The following SVIL variants were observed in gnomAD, a reference collection of about 807,000 sequenced individuals.
The protein encoded by SVIL is supervillin, also known as archvillin.
In SVIL, 101 loss-of-function variants were observed where a neutral mutation model predicts 240.4. The observed-to-expected ratio is 0.42, with a 90% confidence interval of 0.36 to 0.50. SVIL has a LOEUF of 0.50. SVIL is among the 20% of genes least tolerant of loss of function. The pLI is 0.01. For synonymous variants in SVIL, 999 were observed against 1,100.0 expected, an observed-to-expected ratio of 0.91 and a Z score of 1.82; for missense variants, 2,512 against 2,818.7, an observed-to-expected ratio of 0.89 and a Z score of 2.46.
intron 1 of SVIL, chr10:29,575,220 T>C (rs1441876734): frequency 6.5e-6 from 1 of 154,350 alleles, no homozygotes; most frequent in South Asian, 2.0e-4. Context: ...TGGTGTCCAG[T>C]CCACTTTCCC....
intron 17 of SVIL, among the ~76,000 whole-genome samples, chr10:29,510,085 GGTTTTACCAC>G (rs1008393265): frequency 7.3e-4 from 111 of 152,136 alleles, no homozygotes; most frequent in Middle Eastern, 3.4e-3. Context: ...GTAAACATGG[GGTTTTACCAC>G]GTTGCCCAAG....
In SVIL at chr10:29,647,696, G is replaced by A. The variant is rs150442828; in HGVS notation, c.-201+10273C>T. On this transcript the variant is annotated intron_variant, in intron 3 of 35. Coordinates refer to the SVIL transcript ENST00000375400. Reference sequence around the variant, plus strand: ...CAGGTGAAGAACAGAGAAGTACAAAGGTGTATTTCGAGTCTTCCACAGCTT... The same window carrying A: ...CAGGTGAAGAACAGAGAAGTACAAAAGTGTATTTCGAGTCTTCCACAGCTT... 3.0e-3 allele frequency among the ~76,000 whole-genome samples: 461 copies of A among 151,914 alleles called. 2 individuals are homozygous for A. Among genetic ancestry groups the A allele is most frequent in the South Asian group, 0.012 (56 of 4,804 alleles).
At chr10:29,708,016 G>A (rs1376026682) in intron 1 of SVIL, among the ~76,000 whole-genome samples, 2 of 152,076 alleles carry the variant, frequency 1.3e-5, no homozygotes, top group African/African-American at 4.8e-5. Flanking sequence ...CCAGCACTTT[G>A]GGAGGCCGAG....
rs776633603 is a variant in SVIL at position 29,523,518 on chromosome 10, C to G, written c.3096G>C (p.Arg1032Ser). 1 of 1,614,056 alleles carries G rather than the reference C, an allele frequency of 6.2e-7. No individual in the cohort carries two copies. Among genetic ancestry groups the G allele is most frequent in the South Asian group, 1.1e-5 (1 of 91,042 alleles). The part of the protein sequence containing the change: ...KMNAQGNLDL[R>S]DRLPFEEKVE... Reference sequence around the variant, plus strand: ...CCTTCTCTTCAAAGGGCAGCCTGTCCCTCAAGTCCAAGTTTCCTTGTGCAT... The same window carrying G: ...CCTTCTCTTCAAAGGGCAGCCTGTCGCTCAAGTCCAAGTTTCCTTGTGCAT... The change falls in exon 15 of 38, where the codon AGG (arginine) becomes AGC (serine). Residue 1032 changes from arginine (R) to serine (S), a missense_variant. This residue lies in a region of SVIL where 1,443 missense variants were observed against 1,486.6 expected (regional missense o/e 0.97). Transcript: ENST00000355867.
In SVIL at chr10:29,484,799, G is replaced by A. The variant is rs753121062; in HGVS notation, c.4812C>T (p.Tyr1604=). 36 of 1,611,548 alleles carry A rather than the reference G, an allele frequency of 2.2e-5. No homozygotes were observed. The highest frequency in any genetic ancestry group is 1.8e-4 in the East Asian group (8 of 44,762). ...ATGTGACTTCTTTCCCATGCCATACGTAAACTTCACTACCAAAATCAAACA... is the reference window on the plus strand; with the variant it reads ...ATGTGACTTCTTTCCCATGCCATACATAAACTTCACTACCAAAATCAAACA... ...VLVFDFGSEV[Y]VWHGKEVTLA... The change falls in exon 27 of 38, where the codon TAC becomes TAT. Residue 1604 remains tyrosine (Y), a synonymous_variant. Transcript: ENST00000355867. This position sits in a 1 kb window ranked among gnomAD's most constrained non-coding sequence, Gnocchi z 4.7.
chr10:29,507,154 G>T (rs1016291491), intron 17 of SVIL, among the ~76,000 whole-genome samples: 2 of 152,024 alleles, frequency 1.3e-5, no homozygotes, highest in South Asian at 4.1e-4. Context: ...GCTCCTCCTG[G>T]TTCTTTAATA....
chr10:29,481,552 C>G, intron 28 of SVIL, 32 bp downstream of exon 28: 1 of 1,611,898 alleles, frequency 6.2e-7, no homozygotes, highest in African/African-American at 1.3e-5. Flanking sequence ...CCGAACCAAG[C>G]CCCGAGTTTT....
chr10:29,684,604 A>AAGTCTCAT (rs1960916601), intron 2 of SVIL, among the ~76,000 whole-genome samples: 1 of 152,164 alleles, frequency 6.6e-6, no homozygotes, highest in Non-Finnish European at 1.5e-5. Flanking sequence ...TATGTAGATG[A>AAGTCTCAT]AGTCTCATAG....
chr10:29,556,558 G>A (rs765142311), intron 3 of SVIL, among the ~76,000 whole-genome samples: 6 of 152,018 alleles, frequency 3.9e-5, no homozygotes, highest in Non-Finnish European at 7.4e-5. Flanking sequence ...CAGTTGAATT[G>A]GCTTTTGTTG....
At chr10:29,672,825 C>T (rs888053386) in intron 2 of SVIL, among the ~76,000 whole-genome samples, 2 of 151,956 alleles carry the variant, frequency 1.3e-5, no homozygotes, top group African/African-American at 4.8e-5. Context: ...GTGGCTTCCT[C>T]TGGAAAAAAT....
intron 1 of SVIL, among the ~76,000 whole-genome samples, chr10:29,588,643 A>T (rs1459341908): frequency 2.6e-5 from 4 of 152,212 alleles, no homozygotes; most frequent in African/African-American, 9.6e-5. Context: ...AGGAAAATAG[A>T]ACCTTGGGAA....
Position 29,512,748 on chromosome 10 carries a change from G to C in SVIL, c.3503C>G (p.Ser1168Cys). 1.2e-6 allele frequency: 2 copies of C among 1,614,082 alleles called. No homozygotes were observed. The highest frequency in any genetic ancestry group is 1.7e-6 in the Non-Finnish European group (2 of 1,180,040). ...GGGGAATGTTACCTTCTTGATGAGG[G>C]ACCGCCCTGCTTCCTGGGTGTGCAG... ...SSLHTQEAGR[S>C]LIKKRVTESR... The change falls in exon 17 of 38, where the codon TCC becomes TGC. Residue 1168 changes from serine to cysteine, a missense_variant. Coordinates refer to ENST00000355867, the MANE Select transcript of SVIL (RefSeq NM_021738.3).
intron 33 of SVIL, 54 bp downstream of exon 33, chr10:29,467,686 CTT>C: frequency 6.2e-7 from 1 of 1,607,692 alleles, no homozygotes; most frequent in African/African-American, 1.3e-5. Context: ...GAGCAAGACT[CTT>C]GTTTCCAAAA....
At chr10:29,495,444 C>T (rs1315817851) in intron 18 of SVIL, among the ~76,000 whole-genome samples, 1 of 152,142 alleles carries the variant, frequency 6.6e-6, no homozygotes, top group Non-Finnish European at 1.5e-5. Flanking sequence ...CGTGGGAAAA[C>T]ATGTCCATGA....
chr10:29,535,930 T>G (rs1951712336), intron 7 of SVIL, 59 bp downstream of exon 7: 2 of 1,563,828 alleles, frequency 1.3e-6, no homozygotes, highest in Non-Finnish European at 8.8e-7. Flanking sequence ...TGATGTGTGG[T>G]CAGGCAGGAG....
intron 6 of SVIL, among the ~76,000 whole-genome samples, chr10:29,542,614 T>C (rs1952264634): frequency 6.6e-6 from 1 of 152,326 alleles, no homozygotes; most frequent in South Asian, 2.1e-4. Context: ...CAATGCGTAA[T>C]AATCATGTCA....
intron 17 of SVIL, among the ~76,000 whole-genome samples, chr10:29,511,695 G>A (rs915378621): frequency 3.3e-5 from 5 of 152,162 alleles, no homozygotes; most frequent in African/African-American, 1.2e-4. Context: ...AGGCTTAAAT[G>A]TCTTTAGTTA....
chr10:29,487,923 G>C (rs1947574166), intron 23 of SVIL, among the ~76,000 whole-genome samples: 1 of 152,176 alleles, frequency 6.6e-6, no homozygotes, highest in Non-Finnish European at 1.5e-5. Context: ...CACACAATAG[G>C]ATAGTGGTTA....
At chr10:29,486,953 G>C (rs757786392) in intron 24 of SVIL, among the ~76,000 whole-genome samples, 59 of 152,250 alleles carry the variant, frequency 3.9e-4, no homozygotes, top group Admixed American at 6.5e-4. Flanking sequence ...CTAAACACTG[G>C]GGTGTAGGTC....
Sources: gnomAD v4.1 joint callset for allele counts (sites outside exome capture counted in the v4.1 genomes callset) on GRCh38, gnomAD v4.1.1 for gene constraint, gnomAD v4.1.1 regional missense constraint, Gnocchi (gnomAD v3.1) non-coding constraint, MANE v1.5 for transcripts, NCBI Gene and HGNC (gene_info 2026-07-23, HGNC 2026-07-21) for gene names.